Variants in ATP8A2 observed in about 807,000 individuals in gnomAD.
ATP8A2 encodes the protein ATPase phospholipid transporting 8A2.
Under a neutral mutation model 165.6 loss-of-function variants are expected in ATP8A2, and 100 were observed. That is an observed-to-expected ratio of 0.60 (90% CI 0.51 to 0.71). The LOEUF (loss-of-function observed/expected upper bound fraction) is 0.71. Among genes scored for constraint, ATP8A2 ranks in the 30% least tolerant of loss-of-function variants. The pLI, the probability that ATP8A2 is intolerant of heterozygous loss-of-function variation, is 0.00. For missense variants in ATP8A2, 1,227 were observed against 1,479.5 expected (o/e 0.83, Z 2.80); for synonymous variants, 543 against 548.8 (o/e 0.99, Z 0.15).
At chr13:25,548,882 C>T (rs2038732541) in intron 10 of ATP8A2, among the ~76,000 whole-genome samples, 1 of 152,162 alleles carries the variant, frequency 6.6e-6, no homozygotes, top group African/African-American at 2.4e-5. Context: ...TTTTGGTTTG[C>T]CAATAGAATT....
intron 25 of ATP8A2, among the ~76,000 whole-genome samples, chr13:25,714,423 C>A (rs1336368537): frequency 6.6e-6 from 1 of 152,144 alleles, no homozygotes; most frequent in Non-Finnish European, 1.5e-5. Flanking sequence ...CTGTTAGTGC[C>A]ACTTTCCATA....
At chr13:25,606,899 A>G (rs759189031) in intron 24 of ATP8A2, among the ~76,000 whole-genome samples, 18 of 152,156 alleles carry the variant, frequency 1.2e-4, no homozygotes, top group African/African-American at 3.9e-4. Flanking sequence ...ACAAGGCAGC[A>G]GAGTGTAGAT....
intron 36 of ATP8A2, among the ~76,000 whole-genome samples, chr13:26,013,822 G>A (rs772823652): frequency 2.6e-5 from 4 of 152,218 alleles, no homozygotes; most frequent in Non-Finnish European, 5.9e-5. Context: ...GAGAGAGAAG[G>A]AGGGAGACAG....
chr13:25,564,881 T>TC (rs1388075593), intron 16 of ATP8A2, among the ~76,000 whole-genome samples: 1 of 151,626 alleles, frequency 6.6e-6, no homozygotes, highest in Non-Finnish European at 1.5e-5. Context: ...TCCCCCAAAG[T>TC]CCCCAAAGTC....
At chr13:25,903,287 C>A (rs1009449296) in intron 33 of ATP8A2, among the ~76,000 whole-genome samples, 4 of 152,148 alleles carry the variant, frequency 2.6e-5, no homozygotes, top group Non-Finnish European at 5.9e-5. Context: ...TTAACCCTGC[C>A]GTTGCATTTG....
At chr13:25,780,632 G>A (rs2044852793) in intron 27 of ATP8A2, among the ~76,000 whole-genome samples, 1 of 152,066 alleles carries the variant, frequency 6.6e-6, no homozygotes, top group Non-Finnish European at 1.5e-5. Flanking sequence ...AACCTTTCTG[G>A]CACCAGACAC....
chr13:25,948,670 G>C (rs1323874510), intron 33 of ATP8A2, among the ~76,000 whole-genome samples: 1 of 152,090 alleles, frequency 6.6e-6, no homozygotes, highest in Admixed American at 6.5e-5. Flanking sequence ...CTTGTGTTGG[G>C]ATTAGTGCCC....
At chr13:25,919,875 C>T (rs1335455791) in intron 33 of ATP8A2, among the ~76,000 whole-genome samples, 1 of 152,150 alleles carries the variant, frequency 6.6e-6, no homozygotes. Flanking sequence ...TAACCTTGAA[C>T]TCCCACGCTC....
intron 24 of ATP8A2, among the ~76,000 whole-genome samples, chr13:25,680,365 A>G (rs1566041023): frequency 6.6e-6 from 1 of 152,228 alleles, no homozygotes; most frequent in African/African-American, 2.4e-5. Context: ...ATTGGCAGCC[A>G]GTCACCAGAA....
At chr13:25,791,080 G>A (rs2045159067) in intron 27 of ATP8A2, among the ~76,000 whole-genome samples, 1 of 152,120 alleles carries the variant, frequency 6.6e-6, no homozygotes, top group Non-Finnish European at 1.5e-5. Flanking sequence ...AAAGACATAT[G>A]CATGCATATG....
chr13:25,467,787 G>A (rs2035711084), intron 1 of ATP8A2, among the ~76,000 whole-genome samples: 1 of 152,106 alleles, frequency 6.6e-6, no homozygotes, highest in African/African-American at 2.4e-5. Context: ...TCCTGACCTC[G>A]TGATCCGCCC....
At chr13:25,455,442 A>G (rs78613741) in intron 1 of ATP8A2, among the ~76,000 whole-genome samples, 2,036 of 152,342 alleles carry the variant, frequency 0.013, 45 homozygotes, top group African/African-American at 0.047. Flanking sequence ...GAGCAGCACA[A>G]TGCTTTTATT....
At chr13:26,016,731 G>A (rs535935949) in intron 36 of ATP8A2, among the ~76,000 whole-genome samples, 1 of 152,134 alleles carries the variant, frequency 6.6e-6, no homozygotes, top group South Asian at 2.1e-4. Flanking sequence ...TGTTGACACC[G>A]ACCCTTTCTT....
chr13:25,685,238 C>G (rs537019704), intron 24 of ATP8A2, among the ~76,000 whole-genome samples: 1 of 152,330 alleles, frequency 6.6e-6, no homozygotes, highest in South Asian at 2.1e-4. Context: ...TTCAGTCCTG[C>G]TGCTCCCTCC....
chr13:25,615,478 A>T (rs1228349324), intron 24 of ATP8A2, among the ~76,000 whole-genome samples: 3 of 152,050 alleles, frequency 2.0e-5, no homozygotes, highest in Non-Finnish European at 2.9e-5. Flanking sequence ...TCTCGCTGAG[A>T]GGGTTTTCAG....
intron 2 of ATP8A2, among the ~76,000 whole-genome samples, chr13:25,492,334 G>A (rs1046062561): frequency 6.6e-6 from 1 of 152,222 alleles, no homozygotes; most frequent in Non-Finnish European, 1.5e-5. Flanking sequence ...GGGATTACAG[G>A]CATGAGTCAC....
intron 35 of ATP8A2, among the ~76,000 whole-genome samples, chr13:25,983,189 G>A (rs1302391433): frequency 6.6e-6 from 1 of 152,192 alleles, no homozygotes; most frequent in Non-Finnish European, 1.5e-5. Context: ...CTGCCTTCAT[G>A]ATAGTGTCCA....
chr13:25,802,567 T>A (rs1175296385), intron 27 of ATP8A2, among the ~76,000 whole-genome samples: 1 of 152,228 alleles, frequency 6.6e-6, no homozygotes, highest in Non-Finnish European at 1.5e-5. Flanking sequence ...AGAAAGGCAG[T>A]CTGTGAGGCA....
intron 10 of ATP8A2, among the ~76,000 whole-genome samples, chr13:25,550,221 C>T (rs2038777945): frequency 6.6e-6 from 1 of 152,110 alleles, no homozygotes; most frequent in South Asian, 2.1e-4. Context: ...ACAAGAATTG[C>T]TTGAACCCAG....
Sources: allele counts gnomAD v4.1 joint callset (sites outside exome capture counted in the v4.1 genomes callset), GRCh38; gene constraint gnomAD v4.1.1; transcripts MANE v1.5; gene names NCBI Gene and HGNC (gene_info 2026-07-23, HGNC 2026-07-21).